Variants in PTPN12 observed in about 807,000 individuals in gnomAD.
PTPN12 encodes the protein tyrosine-protein phosphatase non-receptor type 12.
A neutral mutation model predicts 97.6 loss-of-function variants in PTPN12; 29 were observed. That is an observed-to-expected ratio of 0.30 (90% CI 0.22 to 0.41). PTPN12 has a LOEUF of 0.41. Ranked by LOEUF, PTPN12 falls within the 10% of genes least tolerant of loss-of-function variation. The probability of loss-of-function intolerance (pLI) is 1.00; values close to 1 mark genes in which losing one functional copy is unlikely to be tolerated. For synonymous variants in PTPN12, 327 were observed against 300.4 expected, an observed-to-expected ratio of 1.09 and a Z score of -0.91; for missense variants, 819 against 926.0, an observed-to-expected ratio of 0.88 and a Z score of 1.50.
chr7:77,549,060 C>G (rs1048884505), intron 1 of PTPN12, among the ~76,000 whole-genome samples: 1 of 152,148 alleles, frequency 6.6e-6, no homozygotes, highest in Non-Finnish European at 1.5e-5. Context: ...GGAAAGAGCT[C>G]AGAATGACTA....
intron 2 of PTPN12, among the ~76,000 whole-genome samples, chr7:77,574,403 A>G (rs1449379516): frequency 2.0e-5 from 3 of 152,212 alleles, no homozygotes; most frequent in Admixed American, 6.5e-5. Context: ...CCATTTTGCA[A>G]ACAGGAAACT....
At chr7:77,599,492 G>C (rs1018023568) in intron 7 of PTPN12, among the ~76,000 whole-genome samples, 1 of 152,050 alleles carries the variant, frequency 6.6e-6, no homozygotes, top group African/African-American at 2.4e-5. Flanking sequence ...GTCTTGCCAT[G>C]TTGCTCAGGC....
intron 1 of PTPN12, among the ~76,000 whole-genome samples, chr7:77,537,864 G>C (rs780887494): frequency 6.6e-6 from 1 of 151,916 alleles, no homozygotes; most frequent in Non-Finnish European, 1.5e-5. Context: ...ACCCCCGCGC[G>C]GGTTCCCGGG....
chr7:77,633,251 C>T (rs1789467283), intron 14 of PTPN12, among the ~76,000 whole-genome samples: 1 of 147,422 alleles, frequency 6.8e-6, no homozygotes, highest in African/African-American at 2.6e-5. Context: ...ACCTGGGCAA[C>T]AAGAGCGAAA....
At chr7:77,565,989 A>G (rs1808239440) in intron 1 of PTPN12, among the ~76,000 whole-genome samples, 1 of 152,258 alleles carries the variant, frequency 6.6e-6, no homozygotes, top group Non-Finnish European at 1.5e-5. Context: ...TACTTAAGAA[A>G]TACTTTTCAC....
At chr7:77,618,414 G>A (rs775077503) in intron 11 of PTPN12, 66 bp from the exon 12 acceptor site, 190 of 1,064,196 alleles carry the variant, frequency 1.8e-4, no homozygotes, top group Non-Finnish European at 2.5e-4. Flanking sequence ...AAACAATTTA[G>A]TTGAAACATG....
chr7:77,542,317 T>A (rs1807016543), intron 1 of PTPN12, among the ~76,000 whole-genome samples: 1 of 152,230 alleles, frequency 6.6e-6, no homozygotes, highest in Non-Finnish European at 1.5e-5. Context: ...TTCTCCAGCC[T>A]GCTCCTTGAG....
At chr7:77,560,961 G>A (rs1368426669) in intron 1 of PTPN12, among the ~76,000 whole-genome samples, 1 of 152,106 alleles carries the variant, frequency 6.6e-6, no homozygotes, top group African/African-American at 2.4e-5. Context: ...TTTACTTTTT[G>A]AGGAACCACC....
At chr7:77,585,315 A>G (rs550195694) in intron 4 of PTPN12, 6 of 395,246 alleles carry the variant, frequency 1.5e-5, no homozygotes, top group Admixed American at 8.5e-5. Flanking sequence ...AACCAAAAAC[A>G]TCATGTTAAT....
At chr7:77,552,300 G>GTTTT (rs71981947) in intron 1 of PTPN12, among the ~76,000 whole-genome samples, 1,742 of 144,962 alleles carry the variant, frequency 0.012, 13 homozygotes, top group Middle Eastern at 0.037. Context: ...TTTAAAGTAT[G>GTTTT]TTTTTTTTTT....
chr7:77,638,166 G>C (rs1355291452), intron 16 of PTPN12, among the ~76,000 whole-genome samples: 1 of 151,482 alleles, frequency 6.6e-6, no homozygotes, highest in Non-Finnish European at 1.5e-5. Flanking sequence ...CACCATGTTA[G>C]CCAGGATGAT....
chr7:77,547,634 A>G (rs1339827555), intron 1 of PTPN12, among the ~76,000 whole-genome samples: 1 of 152,240 alleles, frequency 6.6e-6, no homozygotes, highest in East Asian at 1.9e-4. Context: ...GAAGGTAGTC[A>G]AAGGAATTTG....
Position 77,604,804 on chromosome 7 carries a change from T to C in PTPN12, c.696-2431T>C. The stretch of plus-strand genomic sequence containing the variant: ...AATATGTTTATATCATATATATATA[T>C]ATATTTTTATCCACCTGGATTTTTT... On this transcript the variant is annotated intron_variant, in intron 8 of 17. Transcript: ENST00000248594. The C allele has an allele frequency of 5.4e-6, 2 of 369,148 alleles. 1 individual carries two copies. Among genetic ancestry groups the C allele is most frequent in the South Asian group, 4.3e-5 (2 of 46,598 alleles). The allele number at this position is 369,148 out of a possible 1,614,324, so 22.9% of individuals were successfully genotyped here. A position where few individuals can be genotyped will look rare whatever the true frequency, so the allele number is the denominator to read the frequency against.
Position 77,637,605 on chromosome 7 carries a change from C to T in PTPN12, c.2173+557C>T, listed in dbSNP as rs569278685. On this transcript the variant is annotated intron_variant, in intron 16 of 17. Transcript: ENST00000248594. Reference sequence around the variant, plus strand: ...GGCGTGGTGGCTCACACCTATAATCCCAGCACTTTGGGAGACCCAGGCAGG... The same window carrying T: ...GGCGTGGTGGCTCACACCTATAATCTCAGCACTTTGGGAGACCCAGGCAGG... 5.3e-5 allele frequency among the ~76,000 whole-genome samples: 8 copies of T among 151,892 alleles called. No homozygotes were observed. The South Asian group carries it at 1.7e-3, about 31-fold the overall frequency.
intron 3 of PTPN12, 93 bp from the exon 4 acceptor site, chr7:77,583,462 T>C: frequency 2.6e-6 from 2 of 782,416 alleles, no homozygotes; most frequent in Non-Finnish European, 4.2e-6. Flanking sequence ...AAAACAACAA[T>C]ATTACTAATA....
At chr7:77,625,529 CA>C (rs1789135751) in intron 12 of PTPN12, among the ~76,000 whole-genome samples, 1 of 114,912 alleles carries the variant, frequency 8.7e-6, no homozygotes, top group Non-Finnish European at 1.8e-5. Context: ...CTCTCACTCT[CA>C]CTCTCACTCG....
chr7:77,583,735 T>G (rs1397613131), intron 4 of PTPN12, 85 bp downstream of exon 4: 1 of 826,490 alleles, frequency 1.2e-6, no homozygotes, highest in Non-Finnish European at 1.8e-6. Flanking sequence ...AATGAGGGGA[T>G]TTTTAAAAAA....
intron 9 of PTPN12, among the ~76,000 whole-genome samples, chr7:77,609,446 AT>A (rs1485711589): frequency 6.6e-6 from 1 of 151,014 alleles, no homozygotes; most frequent in Non-Finnish European, 1.5e-5. Context: ...TAATTTTTGT[AT>A]TTTTAGTAGA....
chr7:77,639,105 T>A, intron 17 of PTPN12, 114 bp from the exon 18 acceptor site: 1 of 857,456 alleles, frequency 1.2e-6, no homozygotes, highest in South Asian at 2.2e-5. Context: ...AAATTCTAAA[T>A]TCCCTTGTGG....
Sources: gnomAD v4.1 joint callset for allele counts (sites outside exome capture counted in the v4.1 genomes callset) on GRCh38, gnomAD v4.1.1 for gene constraint, MANE v1.5 for transcripts, NCBI Gene and HGNC (gene_info 2026-07-23, HGNC 2026-07-21) for gene names.